RAD50: variants seen among roughly 807,000 people sequenced by gnomAD.
RAD50 encodes the protein DNA repair protein RAD50.
RAD50 carries 132 observed loss-of-function variants against 168.8 expected under a neutral mutation model. The ratio of observed to expected loss-of-function variants is 0.78; its 90% CI spans 0.68 to 0.90. The LOEUF (loss-of-function observed/expected upper bound fraction) is 0.90, where lower values mean the gene tolerates loss of function less well. Ranked by LOEUF, RAD50 falls within the 40% of genes least tolerant of loss-of-function variation. RAD50 has a pLI of 0.00. For missense variants in RAD50, 1,347 were observed against 1,534.4 expected (o/e 0.88, Z 2.04); for synonymous variants, 525 against 497.4 (o/e 1.06, Z -0.74).
chr5:132,557,522 A>G, intron 1 of RAD50, 69 bp downstream of exon 1: 1 of 1,596,126 alleles, frequency 6.3e-7, no homozygotes, highest in Non-Finnish European at 8.6e-7. Flanking sequence ...TGGGAAGTTG[A>G]GAACTCTCCT....
At chr5:132,584,934 C>T (rs1049940886) in intron 5 of RAD50, among the ~76,000 whole-genome samples, 2 of 117,112 alleles carry the variant, frequency 1.7e-5, no homozygotes, top group African/African-American at 3.4e-5. Flanking sequence ...GAACATCACA[C>T]ACTGGGTCCT....
intron 20 of RAD50, among the ~76,000 whole-genome samples, chr5:132,617,280 C>A (rs1751195618): frequency 1.3e-5 from 2 of 152,114 alleles, no homozygotes; most frequent in Non-Finnish European, 2.9e-5. Flanking sequence ...GTAATTGGTA[C>A]ATAACAGTAC....
chr5:132,557,804 C>T (rs1750033988), intron 1 of RAD50, among the ~76,000 whole-genome samples: 1 of 152,202 alleles, frequency 6.6e-6, no homozygotes, highest in African/African-American at 2.4e-5. Context: ...ATTCACTTCC[C>T]AGTAGTTGTC....
At chr5:132,597,155 C>T (rs950491233) in intron 13 of RAD50, among the ~76,000 whole-genome samples, 2 of 151,990 alleles carry the variant, frequency 1.3e-5, no homozygotes, top group African/African-American at 4.8e-5. Flanking sequence ...GAGAAAAGCT[C>T]AGGAAGCAGA....
intron 16 of RAD50, among the ~76,000 whole-genome samples, chr5:132,606,920 C>T (rs778908102): frequency 5.3e-5 from 8 of 152,132 alleles, no homozygotes; most frequent in Non-Finnish European, 8.8e-5. Flanking sequence ...AATTCAACAC[C>T]GCTTCATGCT....
At chr5:132,574,407 C>T (rs191689061) in intron 2 of RAD50, among the ~76,000 whole-genome samples, 1 of 152,200 alleles carries the variant, frequency 6.6e-6, no homozygotes, top group African/African-American at 2.4e-5. Flanking sequence ...GGCACCAAGT[C>T]CCTAGACCGC....
In RAD50 at chr5:132,645,848, C is replaced by T. The variant is rs548664090; in HGVS notation, c.*3484C>T. The T allele has an allele frequency of 5.9e-5, 9 of 152,280 alleles. No homozygotes were observed. In the Middle Eastern group the frequency reaches 0.027, roughly 460 times the overall value. 9.4% of individuals were successfully genotyped at this position (152,280 alleles called of 1,614,324 possible). Reference sequence around the variant, plus strand: ...TAGCACATGTTAGTTACTGGCTTGCCATGTGTACCGACACAGCTGCTTTCC... The same window carrying T: ...TAGCACATGTTAGTTACTGGCTTGCTATGTGTACCGACACAGCTGCTTTCC... On this transcript the variant is annotated 3_prime_UTR_variant, in exon 25 of 25. Transcript: ENST00000378823.
chr5:132,619,392 A>G (rs994262659), intron 21 of RAD50, among the ~76,000 whole-genome samples: 2 of 151,536 alleles, frequency 1.3e-5, no homozygotes, highest in African/African-American at 2.4e-5. Flanking sequence ...TTTATACATT[A>G]TTAGTCTTGT....
chr5:132,619,819 T>TCTCTCTCTCTCTACTC (rs1561651574), intron 21 of RAD50, among the ~76,000 whole-genome samples: 23 of 116,376 alleles, frequency 2.0e-4, no homozygotes, highest in African/African-American at 1.0e-3. Flanking sequence ...TCTACTCCTC[T>TCTCTCTCTCTCTACTC]CTCTCTCTCT....
At chr5:132,581,178 G>A (rs1750497702) in intron 5 of RAD50, among the ~76,000 whole-genome samples, 1 of 151,952 alleles carries the variant, frequency 6.6e-6, no homozygotes, top group Non-Finnish European at 1.5e-5. Context: ...TCGGCTCACT[G>A]CAACCTCTGC....
intron 9 of RAD50, among the ~76,000 whole-genome samples, chr5:132,590,123 T>C (rs1750672418): frequency 6.6e-6 from 1 of 152,142 alleles, no homozygotes; most frequent in Non-Finnish European, 1.5e-5. Flanking sequence ...GGCATAGAAA[T>C]GTACATTCAA....
intron 11 of RAD50, among the ~76,000 whole-genome samples, chr5:132,594,339 G>C (rs1266382469): frequency 6.6e-6 from 1 of 152,130 alleles, no homozygotes; most frequent in Non-Finnish European, 1.5e-5. Context: ...ATTGAGGTTG[G>C]CTAGGATGAT....
At chr5:132,561,660 T>C (rs1013259295) in intron 2 of RAD50, among the ~76,000 whole-genome samples, 1 of 152,228 alleles carries the variant, frequency 6.6e-6, no homozygotes, top group African/African-American at 2.4e-5. Context: ...TCCTTAACTC[T>C]AGACATATAT....
At chr5:132,564,345 G>A (rs918392958) in intron 2 of RAD50, among the ~76,000 whole-genome samples, 1 of 152,198 alleles carries the variant, frequency 6.6e-6, no homozygotes, top group Admixed American at 6.5e-5. Flanking sequence ...AGCTTACTGA[G>A]AACTGGAGTA....
In RAD50 at chr5:132,604,801, T is replaced by C; in HGVS notation, c.2525-5T>C. 6.3e-7 allele frequency: 1 copy of C among 1,598,738 alleles called. No homozygotes were observed. The highest frequency in any genetic ancestry group is 8.6e-7 in the Non-Finnish European group (1 of 1,166,972). On this transcript the variant is annotated splice_polypyrimidine_tract_variant and splice_region_variant and intron_variant, in intron 15 of 24. Coordinates refer to ENST00000378823, the MANE Select transcript of RAD50 (RefSeq NM_005732.4). ...TAATTACTGTGATAATATGTTTTTG[T>C]GTAGTTTCTAGTAAGATTGAATTGA... is the stretch of plus-strand genomic sequence containing the variant.
chr5:132,567,356 A>G (rs1750226866), intron 2 of RAD50, among the ~76,000 whole-genome samples: 1 of 152,222 alleles, frequency 6.6e-6, no homozygotes, highest in Non-Finnish European at 1.5e-5. Context: ...GAAAGGAGAA[A>G]CATAAAAGGT....
intron 13 of RAD50, among the ~76,000 whole-genome samples, chr5:132,601,799 A>G (rs1176837049): frequency 6.6e-6 from 1 of 152,198 alleles, no homozygotes; most frequent in Non-Finnish European, 1.5e-5. Context: ...ATGCAGCCAT[A>G]TAAAAGGATG....
At chr5:132,605,349 T>G (rs181121051) in intron 16 of RAD50, among the ~76,000 whole-genome samples, 5 of 152,246 alleles carry the variant, frequency 3.3e-5, no homozygotes, top group Admixed American at 3.3e-4. Flanking sequence ...CGCCCCATTC[T>G]TCTCTTTTAG....
At chr5:132,608,553 T>G in intron 16 of RAD50, 62 bp from the exon 17 acceptor site, 1 of 1,383,026 alleles carries the variant, frequency 7.2e-7, no homozygotes, top group Non-Finnish European at 9.8e-7. Context: ...GACTGTGAAG[T>G]CTGACCCCTA....
Sources: allele counts gnomAD v4.1 joint callset (sites outside exome capture counted in the v4.1 genomes callset), GRCh38; gene constraint gnomAD v4.1.1; transcripts MANE v1.5; gene names NCBI Gene and HGNC (gene_info 2026-07-23, HGNC 2026-07-21).